MCTP1: variants seen among roughly 807,000 people sequenced by gnomAD.
The protein encoded by MCTP1 is multiple C2 and transmembrane domain containing 1.
Under a neutral mutation model 120.6 loss-of-function variants are expected in MCTP1, and 69 were observed. The observed-to-expected ratio is 0.57, with a 90% CI of 0.47 to 0.70. The LOEUF (loss-of-function observed/expected upper bound fraction) is 0.70. MCTP1 is among the 30% of genes least tolerant of loss of function. MCTP1 has a pLI of 0.00. For missense variants in MCTP1, 1,203 were observed against 1,248.8 expected, an observed-to-expected ratio of 0.96 and a Z score of 0.55; for synonymous variants, 529 against 493.1, an observed-to-expected ratio of 1.07 and a Z score of -0.96.
intron 12 of MCTP1, among the ~76,000 whole-genome samples, chr5:94,879,206 C>T (rs1261782212): frequency 6.6e-6 from 1 of 152,126 alleles, no homozygotes; most frequent in African/African-American, 2.4e-5. Context: ...TGTGAAATGG[C>T]AGCCATTTGC....
chr5:95,095,319 G>A lies in MCTP1; in HGVS notation c.721-77835C>T, dbSNP rs117804948. Among the ~76,000 whole-genome samples, 1,243 of 152,196 alleles carry A rather than the reference G, an allele frequency of 8.2e-3. 13 individuals are homozygous for A. Among genetic ancestry groups the A allele is most frequent in the South Asian group, 0.04 (195 of 4,820 alleles). On this transcript the variant is annotated intron_variant, in intron 1 of 22. Coordinates refer to ENST00000515393, the MANE Select transcript of MCTP1 (RefSeq NM_024717.7). ...ATTACAGGCGTGAGCCACCGCGCCC[G>A]GCCTTATGTTAGATTTTTATAACAA...
At chr5:95,194,202 T>C (rs1750132405) in intron 1 of MCTP1, among the ~76,000 whole-genome samples, 1 of 151,382 alleles carries the variant, frequency 6.6e-6, no homozygotes, top group South Asian at 2.1e-4. Flanking sequence ...AGTGAGACAC[T>C]GTCTGAAAAG....
intron 2 of MCTP1, among the ~76,000 whole-genome samples, chr5:94,964,012 C>A (rs908908899): frequency 2.6e-5 from 4 of 152,084 alleles, no homozygotes; most frequent in African/African-American, 4.8e-5. Flanking sequence ...GGTCAAATTT[C>A]ATTCTTCTGC....
At chr5:94,712,191 T>C (rs1395799086) in intron 20 of MCTP1, among the ~76,000 whole-genome samples, 1 of 152,088 alleles carries the variant, frequency 6.6e-6, no homozygotes. Context: ...AAAATGGGGA[T>C]AGCTTTTATT....
intron 2 of MCTP1, among the ~76,000 whole-genome samples, chr5:95,007,066 G>T (rs1016161832): frequency 3.5e-4 from 53 of 152,156 alleles, no homozygotes; most frequent in Non-Finnish European, 7.4e-5. Context: ...AATCATGGTG[G>T]AAGGGGAAGC....
At chr5:94,982,345 G>C (rs193265400) in intron 2 of MCTP1, among the ~76,000 whole-genome samples, 3 of 152,120 alleles carry the variant, frequency 2.0e-5, no homozygotes, top group African/African-American at 7.2e-5. Flanking sequence ...AATGAAATTT[G>C]GCAACATTCA....
chr5:95,271,944 G>A (rs979478182), intron 1 of MCTP1, among the ~76,000 whole-genome samples: 13 of 151,900 alleles, frequency 8.6e-5, no homozygotes, highest in East Asian at 3.9e-4. Flanking sequence ...ACTAGTTTTC[G>A]TACATCTATT....
At chr5:94,980,570 A>G (rs13174898) in intron 2 of MCTP1, among the ~76,000 whole-genome samples, 1 of 152,128 alleles carries the variant, frequency 6.6e-6, no homozygotes, top group Non-Finnish European at 1.5e-5. Flanking sequence ...CATAAAATGT[A>G]TGTTTAAAGA....
chr5:94,816,440 GAATT>G (rs1467394217), intron 17 of MCTP1, among the ~76,000 whole-genome samples: 2 of 151,786 alleles, frequency 1.3e-5, no homozygotes, highest in African/African-American at 4.8e-5. Flanking sequence ...AATTTTACAT[GAATT>G]AATATAGTAC....
chr5:95,069,365 A>G (rs1751511095), intron 1 of MCTP1, among the ~76,000 whole-genome samples: 1 of 152,230 alleles, frequency 6.6e-6, no homozygotes, highest in Non-Finnish European at 1.5e-5. Flanking sequence ...TGTATCAAAC[A>G]TAATAAAGTA....
intron 12 of MCTP1, among the ~76,000 whole-genome samples, chr5:94,879,333 T>G (rs910265474): frequency 2.0e-5 from 3 of 152,076 alleles, no homozygotes; most frequent in Non-Finnish European, 4.4e-5. Flanking sequence ...AAATTTTCAT[T>G]ATGTAAATTT....
chr5:95,227,631 A>G (rs1754438118), intron 1 of MCTP1, among the ~76,000 whole-genome samples: 1 of 152,202 alleles, frequency 6.6e-6, no homozygotes, highest in Non-Finnish European at 1.5e-5. Flanking sequence ...CACATGTACA[A>G]TTGTCTCAGA....
intron 1 of MCTP1, among the ~76,000 whole-genome samples, chr5:95,035,963 C>T (rs776066010): frequency 1.1e-4 from 17 of 151,972 alleles, no homozygotes; most frequent in Non-Finnish European, 2.2e-4. Context: ...GTTATCTTTC[C>T]TATTTCACCA....
At chr5:94,790,700 C>T (rs1222081126) in intron 18 of MCTP1, among the ~76,000 whole-genome samples, 1 of 152,040 alleles carries the variant, frequency 6.6e-6, no homozygotes. Context: ...GCTCACTTAA[C>T]CTCTTAAGAG....
chr5:95,075,824 G>A (rs1348630492), intron 1 of MCTP1, among the ~76,000 whole-genome samples: 2 of 152,098 alleles, frequency 1.3e-5, no homozygotes, highest in African/African-American at 2.4e-5. Context: ...GCTTCCTAGT[G>A]GTAATCTGGA....
chr5:94,935,832 T>C (rs1475872193), intron 5 of MCTP1, among the ~76,000 whole-genome samples: 3 of 152,080 alleles, frequency 2.0e-5, no homozygotes, highest in African/African-American at 7.2e-5. Context: ...ATTTCTGGTT[T>C]GCTGCATTTT....
intron 19 of MCTP1, among the ~76,000 whole-genome samples, chr5:94,735,064 C>T (rs548677594): frequency 1.3e-5 from 2 of 152,278 alleles, no homozygotes; most frequent in Admixed American, 1.3e-4. Context: ...ACTTCTACTA[C>T]AAGAAGTGGA....
intron 1 of MCTP1, among the ~76,000 whole-genome samples, chr5:95,036,182 C>G (rs143467641): frequency 4.6e-5 from 7 of 152,278 alleles, no homozygotes; most frequent in African/African-American, 1.7e-4. Flanking sequence ...TTGTTAGTTG[C>G]TGTTACCTTC....
At chr5:95,045,115 T>A (rs1048507661) in intron 1 of MCTP1, among the ~76,000 whole-genome samples, 2 of 152,170 alleles carry the variant, frequency 1.3e-5, no homozygotes, top group African/African-American at 4.8e-5. Flanking sequence ...CAGCCTTGTG[T>A]GAGTTTCTTG....
Sources: gnomAD v4.1 joint callset for allele counts (sites outside exome capture counted in the v4.1 genomes callset) on GRCh38, gnomAD v4.1.1 for gene constraint, MANE v1.5 for transcripts, NCBI Gene and HGNC (gene_info 2026-07-23, HGNC 2026-07-21) for gene names.